Variants in ABCC4 observed in about 807,000 individuals in gnomAD.
ABCC4 encodes ATP-binding cassette sub-family C member 4.
ABCC4 carries 102 observed loss-of-function variants against 168.5 expected under a neutral mutation model. The observed-to-expected ratio is 0.61, with a 90% confidence interval of 0.52 to 0.71. The LOEUF is 0.71. ABCC4 is among the 30% of genes least tolerant of loss of function. ABCC4 has a pLI of 0.00. For missense variants in ABCC4, 1,402 were observed against 1,605.8 expected (o/e 0.87, Z 2.17); for synonymous variants, 617 against 590.7 (o/e 1.04, Z -0.65).
intron 1 of ABCC4, among the ~76,000 whole-genome samples, chr13:95,289,863 A>T (rs1186472593): frequency 6.6e-6 from 1 of 152,114 alleles, no homozygotes; most frequent in African/African-American, 2.4e-5. Context: ...TTGGGAGGCC[A>T]AGGCTGACGG....
At position 95,149,636 on chromosome 13, in the gene ABCC4, T is replaced by A. The variant is rs2036609871; in HGVS notation, c.2455+11553A>T. ...ATGTAAAGGTAATGAAAAAAAATAA[T>A]CCATGATTGTAACTATGCCTCAAAG... On this transcript the variant is annotated intron_variant, in intron 19 of 30. Coordinates refer to ENST00000645237, the MANE Select transcript of ABCC4 (RefSeq NM_005845.5). Among the ~76,000 whole-genome samples, 3 of 152,144 alleles carry A rather than the reference T, an allele frequency of 2.0e-5. No individual in the cohort carries two copies. The South Asian group carries it at 6.2e-4, about 32-fold the overall frequency.
Position 95,086,448 on chromosome 13 carries a change from AT to A in ABCC4, c.2536-3159del, listed in dbSNP as rs2034260104. 2.0e-5 allele frequency among the ~76,000 whole-genome samples: 3 copies of A among 152,172 alleles called. No homozygotes were observed. The South Asian group carries it at 6.2e-4, about 31-fold the overall frequency. Reference sequence around the variant, plus strand: ...TTTGAATGGTAGTGAAAAATATAAAATTTCCCCCGGCAGACTCTTCTAGAAT... The same window carrying A: ...TTTGAATGGTAGTGAAAAATATAAAATTCCCCCGGCAGACTCTTCTAGAAT... On this transcript the variant is annotated intron_variant, in intron 20 of 30. Transcript: ENST00000645237.
At position 95,249,694 on chromosome 13, in the gene ABCC4, C is replaced by T. The variant is rs566097734; in HGVS notation, c.75-1941G>A. On this transcript the variant is annotated intron_variant, in intron 1 of 30. Transcript: ENST00000645237. ...ATGCCTGAGATGACCTCTGCATGCC[C>T]GAGACCTCCCTTCCAGCAGAACCTC... 2.0e-5 allele frequency among the ~76,000 whole-genome samples: 3 copies of T among 152,226 alleles called. No individual in the cohort carries two copies. The South Asian group carries it at 6.2e-4, about 32-fold the overall frequency.
chr13:95,131,018 C>A (rs369778734), intron 19 of ABCC4, among the ~76,000 whole-genome samples: 26 of 152,068 alleles, frequency 1.7e-4, no homozygotes, highest in East Asian at 3.9e-4. Flanking sequence ...CAAATCTGTG[C>A]AGTGGTGTTG....
intron 8 of ABCC4, among the ~76,000 whole-genome samples, chr13:95,202,779 G>C (rs1256258362): frequency 6.6e-6 from 1 of 151,246 alleles, no homozygotes; most frequent in Non-Finnish European, 1.5e-5. Context: ...CTCCAGAGTA[G>C]CTGGGATTAC....
chr13:95,227,800 C>G (rs1483877869), intron 4 of ABCC4, among the ~76,000 whole-genome samples: 1 of 152,168 alleles, frequency 6.6e-6, no homozygotes, highest in Non-Finnish European at 1.5e-5. Context: ...ACCTCCACCT[C>G]CTGGGTTCAA....
At chr13:95,075,178 C>T (rs1377282059) in intron 22 of ABCC4, 5 of 455,412 alleles carry the variant, frequency 1.1e-5, no homozygotes, top group African/African-American at 3.9e-5. Context: ...CTGACAGAGC[C>T]ACAGGCCATG....
At chr13:95,277,795 CTGTT>C (rs1206393219) in intron 1 of ABCC4, among the ~76,000 whole-genome samples, 21 of 152,114 alleles carry the variant, frequency 1.4e-4, no homozygotes, top group Admixed American at 6.6e-5. Context: ...TGTGTTGCCT[CTGTT>C]TGCGCAGAGA....
chr13:95,167,878 T>C (rs950210648), intron 14 of ABCC4, among the ~76,000 whole-genome samples: 4 of 151,974 alleles, frequency 2.6e-5, no homozygotes, highest in African/African-American at 9.7e-5. Context: ...AAATGGTTTG[T>C]GTGTGTGTGG....
At chr13:95,144,503 T>C (rs1204735178) in intron 19 of ABCC4, among the ~76,000 whole-genome samples, 3 of 152,144 alleles carry the variant, frequency 2.0e-5, no homozygotes, top group Non-Finnish European at 4.4e-5. Context: ...GAAAACCCCA[T>C]ATTCTCTGCC....
intron 21 of ABCC4, among the ~76,000 whole-genome samples, chr13:95,076,538 C>T (rs1490430912): frequency 4.7e-5 from 7 of 149,338 alleles, no homozygotes; most frequent in African/African-American, 7.4e-5. Context: ...AGGGAGTTGC[C>T]GCCCTGCCCC....
intron 20 of ABCC4, among the ~76,000 whole-genome samples, chr13:95,107,917 C>G (rs146128589): frequency 1.5e-4 from 23 of 151,898 alleles, no homozygotes; most frequent in Admixed American, 3.9e-4. Context: ...CCAGCCTGGG[C>G]GACAGAGCGA....
chr13:95,163,145 T>C lies in ABCC4; in HGVS notation c.2285A>G (p.Asn762Ser). ...ACCTGAATAAATTCCTAAGTACCAG[T>C]TAAGATCTAGCTTCTCGGTTACATT... ...GGNVTEKLDL[N>S]WYLGIYSGLT... Residue 762 changes from asparagine (N) to serine (S), a missense_variant, in exon 18 of 31, where the codon AAC (asparagine) becomes AGC (serine). By Grantham distance (46) the Asn-to-Ser change is conservative. Coordinates refer to ENST00000645237, the MANE Select transcript of ABCC4 (RefSeq NM_005845.5). 2 of 1,612,552 alleles carry C rather than the reference T, an allele frequency of 1.2e-6. No homozygotes were observed. The highest frequency in any genetic ancestry group is 2.2e-5 in the East Asian group (1 of 44,862).
At chr13:95,247,399 G>A (rs2040134331) in intron 2 of ABCC4, among the ~76,000 whole-genome samples, 1 of 152,126 alleles carries the variant, frequency 6.6e-6, no homozygotes, top group Non-Finnish European at 1.5e-5. Flanking sequence ...CCACCTAGAG[G>A]GACAGACCTC....
chr13:95,200,991 C>T (rs1039745653), intron 8 of ABCC4, among the ~76,000 whole-genome samples: 1 of 152,164 alleles, frequency 6.6e-6, no homozygotes, highest in African/African-American at 2.4e-5. Flanking sequence ...CGAGCGCCAA[C>T]GCTTTCTTAC....
chr13:95,103,083 G>A (rs867728363), intron 20 of ABCC4, among the ~76,000 whole-genome samples: 21 of 151,656 alleles, frequency 1.4e-4, no homozygotes, highest in African/African-American at 5.1e-4. Flanking sequence ...GGGCCAATAC[G>A]GTGAAACCCT....
chr13:95,290,386 G>T lies in ABCC4; in HGVS notation c.74+10855C>A, dbSNP rs140094664. On this transcript the variant is annotated intron_variant, in intron 1 of 30. Coordinates refer to ENST00000645237, the MANE Select transcript of ABCC4 (RefSeq NM_005845.5). ...CAATTTGAGAGTATATTCATGAAAAGCAGCACCAAGAGCCAGCTTGTGTTA... is the reference window on the plus strand; with the variant it reads ...CAATTTGAGAGTATATTCATGAAAATCAGCACCAAGAGCCAGCTTGTGTTA... 2.9e-3 allele frequency among the ~76,000 whole-genome samples: 437 copies of T among 152,256 alleles called. 3 individuals carry two copies. Among genetic ancestry groups the T allele is most frequent in the African/African-American group, 9.5e-3 (397 of 41,572 alleles).
chr13:95,267,268 G>C (rs558077075), intron 1 of ABCC4, among the ~76,000 whole-genome samples: 9 of 152,222 alleles, frequency 5.9e-5, no homozygotes, highest in African/African-American at 2.2e-4. Context: ...CATGGAGGCA[G>C]TTCTTTCCCA....
chr13:95,027,678 T>C (rs1018610497), intron 30 of ABCC4, among the ~76,000 whole-genome samples: 1 of 152,190 alleles, frequency 6.6e-6, no homozygotes, highest in African/African-American at 2.4e-5. Context: ...TATATTGTTA[T>C]TGTTTATAAT....
Sources: gnomAD v4.1 joint callset for allele counts (sites outside exome capture counted in the v4.1 genomes callset) on GRCh38, gnomAD v4.1.1 for gene constraint, MANE v1.5 for transcripts, NCBI Gene and HGNC (gene_info 2026-07-23, HGNC 2026-07-21) for gene names.